KCTD19: variants seen among roughly 807,000 people sequenced by gnomAD.
The protein encoded by KCTD19 is potassium channel tetramerization domain containing 19.
KCTD19 carries 67 observed loss-of-function variants against 103.5 expected under a neutral mutation model. The ratio of observed to expected loss-of-function variants is 0.65; its 90% CI spans 0.53 to 0.79. The LOEUF is 0.79. KCTD19 is among the 30% of genes least tolerant of loss of function. KCTD19 has a pLI of 0.00. For synonymous variants in KCTD19, 439 were observed against 452.2 expected (o/e 0.97, Z 0.37); for missense variants, 980 against 1,136.1 (o/e 0.86, Z 1.98).
chr16:67,289,767 C>T (rs976037910), intron 15 of KCTD19, 85 bp from the exon 16 acceptor site: 2 of 968,228 alleles, frequency 2.1e-6, no homozygotes, highest in Non-Finnish European at 3.3e-6. Context: ...CCCATTGGGG[C>T]AGGGACAGGG....
At chr16:67,304,666 A>G in intron 2 of KCTD19, 95 bp from the exon 3 acceptor site, 1 of 1,105,990 alleles carries the variant, frequency 9.0e-7, no homozygotes, top group Non-Finnish European at 1.3e-6. Context: ...TATGTGACTT[A>G]CTTTTTTTTT....
chr16:67,293,425 G>T lies in KCTD19; in HGVS notation c.2218+119C>A. The stretch of plus-strand genomic sequence containing the variant: ...GTGTCTGCTGCCTGGCACAGAGATG[G>T]CATTGGTGAGCGGGGGGGTCTAGTC... On this transcript the variant is annotated intron_variant, in intron 12 of 15. Coordinates refer to ENST00000304372, the MANE Select transcript of KCTD19 (RefSeq NM_001100915.3). This position sits in a 1 kb window ranked among gnomAD's most constrained non-coding sequence, Gnocchi z 4.0. The T allele has an allele frequency of 9.2e-7, 1 of 1,087,248 alleles. No homozygotes were observed. Among genetic ancestry groups the T allele is most frequent in the Non-Finnish European group, 1.3e-6 (1 of 746,108 alleles). The allele number at this position is 1,087,248 out of a possible 1,614,324, so 67.4% of individuals were successfully genotyped here.
chr16:67,290,726 G>C (rs1038737291), intron 15 of KCTD19, among the ~76,000 whole-genome samples, 159 bp downstream of exon 15: 13 of 152,218 alleles, frequency 8.5e-5, no homozygotes, highest in Non-Finnish European at 1.8e-4. Flanking sequence ...CTCTGGATTG[G>C]TTAATTTCAT....
At position 67,303,133 on chromosome 16, in the gene KCTD19, A is replaced by T; in HGVS notation, c.643+13T>A. On this transcript the variant is annotated intron_variant, in intron 4 of 15. Coordinates refer to ENST00000304372, the MANE Select transcript of KCTD19 (RefSeq NM_001100915.3). This position sits in a 1 kb window ranked among gnomAD's most constrained non-coding sequence, Gnocchi z 4.3. The stretch of plus-strand genomic sequence containing the variant: ...CAGCCCGCCCCCCACCCCACCCCGG[A>T]CAGAGCAATCACCAATGAAGCGGAA... The T allele has an allele frequency of 1.7e-6, 1 of 596,262 alleles. No homozygotes were observed. Among genetic ancestry groups the T allele is most frequent in the Non-Finnish European group, 3.0e-6 (1 of 337,752 alleles). The allele number at this position is 596,262 out of a possible 1,614,324, so 36.9% of individuals were successfully genotyped here. A position where few individuals can be genotyped will look rare whatever the true frequency, so the allele number is the denominator to read the frequency against.
chr16:67,308,170 C>CTT (rs554751590), intron 2 of KCTD19, among the ~76,000 whole-genome samples: 27 of 134,582 alleles, frequency 2.0e-4, no homozygotes, highest in Non-Finnish European at 3.4e-4. Context: ...TCTTTCTTTT[C>CTT]TTTTTTTTTT....
intron 15 of KCTD19, 69 bp downstream of exon 15, chr16:67,290,816 G>T: frequency 1.4e-6 from 2 of 1,389,958 alleles, no homozygotes; most frequent in Non-Finnish European, 2.0e-6. Flanking sequence ...CCCTGGTGCA[G>T]CAAGACACAC....
rs1489322740 is a variant in KCTD19, at chr16:67,290,848, G to T, written c.2667+37C>A. ...ACACGTCCATCTGAGGCATCCACAG[G>T]GTCGGTGGATTCCCAGGGATTGCAA... On this transcript the variant is annotated intron_variant, in intron 15 of 15. Transcript: ENST00000304372. 2 of 1,544,878 alleles carry T rather than the reference G, an allele frequency of 1.3e-6. 1 individual carries two copies. The highest frequency in any genetic ancestry group is 2.4e-5 in the South Asian group (2 of 84,972).
chr16:67,324,186 T>C (rs2037105527), intron 1 of KCTD19, among the ~76,000 whole-genome samples: 1 of 152,064 alleles, frequency 6.6e-6, no homozygotes, highest in East Asian at 1.9e-4. Context: ...ATAAGTGAAT[T>C]GTCTTCTTTG....
intron 2 of KCTD19, among the ~76,000 whole-genome samples, chr16:67,315,005 G>A (rs1452123112): frequency 6.6e-6 from 1 of 151,854 alleles, no homozygotes; most frequent in Admixed American, 6.6e-5. Context: ...ATAGGCATGA[G>A]CCATCATGCC....
chr16:67,303,379 C>G lies in KCTD19; in HGVS notation c.452-42G>C, dbSNP rs1005704703. The G allele has an allele frequency of 9.0e-6, 14 of 1,547,476 alleles. No individual in the cohort carries two copies. The highest frequency in any genetic ancestry group is 1.2e-5 in the Non-Finnish European group (14 of 1,136,064). On this transcript the variant is annotated intron_variant, in intron 3 of 15. Transcript: ENST00000304372. This position sits in a 1 kb window ranked among gnomAD's most constrained non-coding sequence, Gnocchi z 4.3. ...AGGCAGTGTTGCCACCTCTCAGAAG[C>G]CAGGGATCTGATTCCAGCAGGGCTT... is the stretch of plus-strand genomic sequence containing the variant.
In KCTD19 at chr16:67,303,029, CCAGGGAAGCTCCTGAG is replaced by C; in HGVS notation, c.643+101_643+116del. 1 of 938,712 alleles carries C rather than the reference CCAGGGAAGCTCCTGAG, an allele frequency of 1.1e-6. No homozygotes were observed. The highest frequency in any genetic ancestry group is 1.6e-6 in the Non-Finnish European group (1 of 615,686). The allele number at this position is 938,712 out of a possible 1,614,324, so 58.1% of individuals were successfully genotyped here. On this transcript the variant is annotated intron_variant, in intron 4 of 15. Transcript: ENST00000304372. This position sits in a 1 kb window ranked among gnomAD's most constrained non-coding sequence, Gnocchi z 4.3. Reference sequence around the variant, plus strand: ...TCTGTCATGCTTCCGCTACCTCTGCCCAGGGAAGCTCCTGAGGCCCTGAGCACCAAGCTGGGCCTCT... The same window carrying C: ...TCTGTCATGCTTCCGCTACCTCTGCCGCCCTGAGCACCAAGCTGGGCCTCT...
In KCTD19 at chr16:67,290,849, G is replaced by A. The variant is rs765215271; in HGVS notation, c.2667+36C>T. 3 of 1,547,334 alleles carry A rather than the reference G, an allele frequency of 1.9e-6. No homozygotes were observed. In the East Asian group the frequency reaches 6.9e-5, roughly 36 times the overall value. ...CACGTCCATCTGAGGCATCCACAGGGTCGGTGGATTCCCAGGGATTGCAAG... is the reference window on the plus strand; with the variant it reads ...CACGTCCATCTGAGGCATCCACAGGATCGGTGGATTCCCAGGGATTGCAAG... On this transcript the variant is annotated intron_variant, in intron 15 of 15. Transcript: ENST00000304372.
chr16:67,290,963 C>G lies in KCTD19; in HGVS notation c.2589G>C (p.Gln863His). ...RLWTLHISPKQFVVDLLAITG... is the reference protein window; with the variant it reads ...RLWTLHISPKHFVVDLLAITG... The stretch of plus-strand genomic sequence containing the variant: ...TGATGGCCAGCAAATCTACCACAAA[C>G]TGCTTGGGGCTGATGTGCAGGGTCT... The change falls in exon 15 of 16, where the codon CAG becomes CAC. Residue 863 changes from glutamine (Q) to histidine (H), a missense_variant. By Grantham distance (24) the Gln-to-His change is conservative. Transcript: ENST00000304372. 2 of 1,614,164 alleles carry G rather than the reference C, an allele frequency of 1.2e-6. No homozygotes were observed. The highest frequency in any genetic ancestry group is 1.7e-6 in the Non-Finnish European group (2 of 1,180,012).
At chr16:67,302,964 T>G in intron 4 of KCTD19, 182 bp downstream of exon 4, 13 of 605,910 alleles carry the variant, frequency 2.1e-5, no homozygotes, top group Middle Eastern at 4.3e-4. Context: ...CTGAGTCTAG[T>G]GAGATTCTAA....
At chr16:67,319,460 T>A (rs2037048586) in intron 2 of KCTD19, among the ~76,000 whole-genome samples, 1 of 152,130 alleles carries the variant, frequency 6.6e-6, no homozygotes, top group Admixed American at 6.6e-5. Context: ...AGAGACGGAA[T>A]AAACACCTTG....
In KCTD19 at chr16:67,323,124, T is replaced by C. The variant is rs1314948068; in HGVS notation, c.4-2239A>G. 6.6e-6 allele frequency among the ~76,000 whole-genome samples: 1 copy of C among 152,146 alleles called. No homozygotes were observed. Among genetic ancestry groups the C allele is most frequent in the East Asian group, 1.9e-4 (1 of 5,188 alleles). On this transcript the variant is annotated intron_variant, in intron 1 of 15. Transcript: ENST00000304372. The surrounding 1 kb of genome is among the most constrained non-coding windows in gnomAD (Gnocchi z 4.1). ...GGAGGTGTAAAATGGTGCAGGCACT[T>C]TGGAAAACAGTTTGGTGGGTCCTGA...
At position 67,300,498 on chromosome 16, in the gene KCTD19, G is replaced by A. The variant is rs961416393; in HGVS notation, c.776-925C>T. On this transcript the variant is annotated intron_variant, in intron 5 of 15. Coordinates refer to ENST00000304372, the MANE Select transcript of KCTD19 (RefSeq NM_001100915.3). The surrounding 1 kb of genome is among the most constrained non-coding windows in gnomAD (Gnocchi z 4.5). ...ATCTTTGCATTGCTCTGTGGAGCAGGGACTACGCTACCATCTCACAATGAT... is the reference window on the plus strand; with the variant it reads ...ATCTTTGCATTGCTCTGTGGAGCAGAGACTACGCTACCATCTCACAATGAT... 1 of 152,226 alleles carries A rather than the reference G, an allele frequency of 6.6e-6. No individual in the cohort carries two copies. Among genetic ancestry groups the A allele is most frequent in the Non-Finnish European group, 1.5e-5 (1 of 68,056 alleles). The allele number at this position is 152,226 out of a possible 1,614,324, so 9.4% of individuals were successfully genotyped here. A position where few individuals can be genotyped will look rare whatever the true frequency, so the allele number is the denominator to read the frequency against.
chr16:67,303,379 C>A lies in KCTD19; in HGVS notation c.452-42G>T. 1 of 1,547,588 alleles carries A rather than the reference C, an allele frequency of 6.5e-7. No individual in the cohort carries two copies. Among genetic ancestry groups the A allele is most frequent in the Non-Finnish European group, 8.8e-7 (1 of 1,136,054 alleles). On this transcript the variant is annotated intron_variant, in intron 3 of 15. Coordinates refer to ENST00000304372, the MANE Select transcript of KCTD19 (RefSeq NM_001100915.3). This position sits in a 1 kb window ranked among gnomAD's most constrained non-coding sequence, Gnocchi z 4.3. ...AGGCAGTGTTGCCACCTCTCAGAAG[C>A]CAGGGATCTGATTCCAGCAGGGCTT...
chr16:67,325,437 T>C (rs1307692026), intron 1 of KCTD19, among the ~76,000 whole-genome samples: 2 of 151,610 alleles, frequency 1.3e-5, no homozygotes, highest in Non-Finnish European at 2.9e-5. Context: ...AGAGATGGGG[T>C]TTCACTGTGT....
Sources: gnomAD v4.1 joint callset for allele counts (sites outside exome capture counted in the v4.1 genomes callset) on GRCh38, gnomAD v4.1.1 for gene constraint, Gnocchi (gnomAD v3.1) non-coding constraint, MANE v1.5 for transcripts, NCBI Gene and HGNC (gene_info 2026-07-23, HGNC 2026-07-21) for gene names.